The following DNAH3 variants were observed in gnomAD, a reference collection of about 807,000 sequenced individuals.
DNAH3 encodes the protein axonemal beta dynein heavy chain 3.
Under a neutral mutation model 432.5 loss-of-function variants are expected in DNAH3, and 332 were observed. The observed-to-expected ratio is 0.77, with a 90% CI of 0.70 to 0.84. DNAH3 has a LOEUF of 0.84. DNAH3 is among the 40% of genes least tolerant of loss of function. The pLI, the probability that DNAH3 is intolerant of heterozygous loss-of-function variation, is 0.00. For missense variants in DNAH3, 4,861 were observed against 5,114.0 expected (o/e 0.95, Z 1.51); for synonymous variants, 1,956 against 1,900.2 (o/e 1.03, Z -0.76).
exon 24 of DNAH3, chr16:21,067,350 A>C: frequency 6.2e-7 from 1 of 1,614,048 alleles, no homozygotes; most frequent in South Asian, 1.1e-5. Flanking sequence ...TCCAAGAGAA[A>C]GTTGGCTTCT....
intron 14 of DNAH3, among the ~76,000 whole-genome samples, chr16:21,107,883 G>A (rs1415638266): frequency 2.0e-5 from 3 of 150,580 alleles, no homozygotes; most frequent in Admixed American, 1.3e-4. Context: ...TCTTTTTTGA[G>A]ATGGAGTCTT....
chr16:21,069,319 A>T, intron 23 of DNAH3, 96 bp downstream of exon 23: 1 of 1,087,968 alleles, frequency 9.2e-7, no homozygotes, highest in Non-Finnish European at 1.4e-6. Context: ...CCAAAACTCT[A>T]GTTCATTTAC....
In DNAH3 at chr16:21,141,693, A is replaced by G. The variant is rs145541047; in HGVS notation, c.449-321T>C. ...TGTACTCTCCAATATTGTATGCTCT[A>G]TTTTCTAAACACCTGTTATATTACT... On this transcript the variant is annotated intron_variant, in intron 3 of 61. Coordinates refer to ENST00000261383, the Ensembl canonical transcript of DNAH3. Among the ~76,000 whole-genome samples, 37 of 152,274 alleles carry G rather than the reference A, an allele frequency of 2.4e-4. 1 individual carries two copies. The East Asian group carries it at 3.1e-3, about 13-fold the overall frequency.
intron 14 of DNAH3, among the ~76,000 whole-genome samples, chr16:21,110,700 T>C (rs1443531668): frequency 6.6e-6 from 1 of 152,020 alleles, no homozygotes; most frequent in Non-Finnish European, 1.5e-5. Context: ...AGGCATAATA[T>C]AGAGTTTAAG....
chr16:21,077,228 T>A (rs918836628), intron 20 of DNAH3, among the ~76,000 whole-genome samples: 2 of 152,114 alleles, frequency 1.3e-5, no homozygotes, highest in Non-Finnish European at 2.9e-5. Flanking sequence ...AGTGGCATGA[T>A]CTTGGCTCAC....
chr16:20,945,422 CTG>C (rs1057265762), intron 57 of DNAH3, among the ~76,000 whole-genome samples: 3 of 152,132 alleles, frequency 2.0e-5, no homozygotes, highest in African/African-American at 7.2e-5. Context: ...CAAGAAATAA[CTG>C]TAAGTATAAT....
chr16:21,057,280 A>G, intron 27 of DNAH3, among the ~76,000 whole-genome samples: 1 of 152,308 alleles, frequency 6.6e-6, no homozygotes, highest in South Asian at 2.1e-4. Context: ...AAACAAACAA[A>G]CAAATCCCCA....
chr16:21,046,576 T>C (rs986617307), intron 31 of DNAH3, among the ~76,000 whole-genome samples: 12 of 152,082 alleles, frequency 7.9e-5, no homozygotes, highest in African/African-American at 2.7e-4. Context: ...TGTCTCTGCA[T>C]GTGAGATGGG....
intron 56 of DNAH3, among the ~76,000 whole-genome samples, chr16:20,951,636 AT>A (rs915735408): frequency 1.4e-5 from 2 of 145,414 alleles, no homozygotes; most frequent in Non-Finnish European, 3.0e-5. Context: ...TAGAGATGGG[AT>A]TTTGCCCCAG....
intron 5 of DNAH3, among the ~76,000 whole-genome samples, chr16:21,137,323 C>G (rs779668231): frequency 1.4e-4 from 21 of 151,514 alleles, no homozygotes; most frequent in Non-Finnish European, 2.9e-4. Context: ...AATCACATAC[C>G]CTCCTGAACA....
intron 12 of DNAH3, among the ~76,000 whole-genome samples, chr16:21,116,711 C>T (rs2092210731): frequency 6.6e-6 from 1 of 152,066 alleles, no homozygotes; most frequent in South Asian, 2.1e-4. Flanking sequence ...ATTCTCGATC[C>T]CCAAATCCAA....
intron 12 of DNAH3, among the ~76,000 whole-genome samples, chr16:21,114,965 C>A (rs1178466783): frequency 2.0e-5 from 3 of 152,136 alleles, no homozygotes; most frequent in Non-Finnish European, 4.4e-5. Context: ...TGGCACTATT[C>A]ACAATAGCAA....
chr16:21,151,723 G>A (rs571485793), intron 1 of DNAH3, among the ~76,000 whole-genome samples: 3 of 152,246 alleles, frequency 2.0e-5, no homozygotes, highest in South Asian at 2.1e-4. Flanking sequence ...TCAATATTAC[G>A]ATAAACACAG....
intron 51 of DNAH3, among the ~76,000 whole-genome samples, chr16:20,970,843 TTTC>T (rs773980264): frequency 6.6e-6 from 1 of 150,882 alleles, no homozygotes; most frequent in Non-Finnish European, 1.5e-5. Flanking sequence ...CCAGTATGGA[TTTC>T]TTTTCTTTTC....
chr16:21,076,187 G>A (rs930523897), intron 20 of DNAH3, among the ~76,000 whole-genome samples: 3 of 152,022 alleles, frequency 2.0e-5, no homozygotes, highest in Non-Finnish European at 4.4e-5. Flanking sequence ...TCTTTAAAGA[G>A]GTAATTAAAT....
intron 32 of DNAH3, among the ~76,000 whole-genome samples, chr16:21,041,072 T>TA (rs1242955351): frequency 6.6e-6 from 1 of 151,850 alleles, no homozygotes; most frequent in Non-Finnish European, 1.5e-5. Context: ...TACTGGGCAG[T>TA]AAAAAATGAG....
rs78747722 is a variant in DNAH3, at chr16:21,148,899, A to C, written c.118-2811T>G. On this transcript the variant is annotated intron_variant, in intron 1 of 61. Transcript: ENST00000261383. ...GCACCTTCAAGAGATCGAGATTCTC[A>C]TAAGAACTAGCTGGTTGTGCAAAAT... 6.6e-3 allele frequency among the ~76,000 whole-genome samples: 1,009 copies of C among 152,300 alleles called. 7 individuals are homozygous for C. The highest frequency in any genetic ancestry group is 0.022 in the African/African-American group (905 of 41,578).
rs2090592350 is a variant in DNAH3 at position 21,067,386 on chromosome 16, G to A, written c.3415C>T (p.Gln1139Ter). 2.5e-6 allele frequency: 4 copies of A among 1,613,896 alleles called. No homozygotes were observed. Among genetic ancestry groups the A allele is most frequent in the Non-Finnish European group, 2.5e-6 (3 of 1,179,898 alleles). The change falls in exon 24 of 62, where the codon CAG (glutamine) becomes TAG (stop). Residue 1139 changes from glutamine (Q) to a stop codon, truncating the protein, a stop_gained. Coordinates refer to ENST00000261383, the Ensembl canonical transcript of DNAH3. LOFTEE classifies it high-confidence loss of function. ...TGAAGCTTCTCTGCCATCCGTGGCT[G>A]GTCGGCTGCCACCAGAATCCTGTTA...
chr16:20,992,711 C>A (rs141268864), intron 44 of DNAH3, among the ~76,000 whole-genome samples: 16 of 152,292 alleles, frequency 1.1e-4, no homozygotes, highest in African/African-American at 3.9e-4. Context: ...TTTCTTTCAG[C>A]AGGAAATTGG....
Sources: allele counts gnomAD v4.1 joint callset (sites outside exome capture counted in the v4.1 genomes callset), GRCh38; gene constraint gnomAD v4.1.1; transcripts MANE v1.5; gene names NCBI Gene and HGNC (gene_info 2026-07-23, HGNC 2026-07-21).